DLGAP2: variants seen among roughly 807,000 people sequenced by gnomAD.
The protein encoded by DLGAP2 is DLG associated protein 2.
A neutral mutation model predicts 100.3 loss-of-function variants in DLGAP2; 26 were observed. That is an observed-to-expected ratio of 0.26 (90% CI 0.19 to 0.36). DLGAP2 has a LOEUF of 0.36. DLGAP2 is among the 10% of genes least tolerant of loss of function. DLGAP2 has a pLI of 1.00. For missense variants in DLGAP2, 1,858 were observed against 1,453.2 expected (o/e 1.28, Z -4.53); for synonymous variants, 886 against 630.1 (o/e 1.41, Z -6.08).
chr8:1,501,528 G>C, intron 4 of DLGAP2, 97 bp downstream of exon 4: 2 of 1,188,364 alleles, frequency 1.7e-6, no homozygotes, highest in East Asian at 5.1e-5. Flanking sequence ...ACAAACACAC[G>C]TTAGCATGTT....
At chr8:1,484,842 C>T (rs1396768170) in intron 3 of DLGAP2, among the ~76,000 whole-genome samples, 2 of 152,180 alleles carry the variant, frequency 1.3e-5, no homozygotes, top group African/African-American at 4.8e-5. Context: ...GGCTGTATCA[C>T]AATATTTCCT....
At chr8:1,573,942 T>G (rs967864541) in intron 6 of DLGAP2, among the ~76,000 whole-genome samples, 2 of 152,146 alleles carry the variant, frequency 1.3e-5, no homozygotes, top group African/African-American at 4.8e-5. Flanking sequence ...CGTAGGTAAC[T>G]TACAAGTGTA....
chr8:835,865 T>A (rs1361863755), intron 1 of DLGAP2, among the ~76,000 whole-genome samples: 1 of 152,162 alleles, frequency 6.6e-6, no homozygotes, highest in East Asian at 1.9e-4. Flanking sequence ...AGGCTCACCG[T>A]CGCTGTCTCA....
chr8:1,472,322 C>T lies in DLGAP2; in HGVS notation c.107-29044C>T, dbSNP rs190125986. ...ACGCAGCTGGGAGGGAGGCCAGGGG[C>T]GCAGGTGCCATCATCCCTTCAGGCC... On this transcript the variant is annotated intron_variant, in intron 3 of 14. Coordinates refer to ENST00000637795, the MANE Select transcript of DLGAP2 (RefSeq NM_001346810.2). 2.9e-4 allele frequency among the ~76,000 whole-genome samples: 44 copies of T among 152,294 alleles called. 1 individual carries two copies. Among genetic ancestry groups the T allele is most frequent in the African/African-American group, 7.5e-4 (31 of 41,570 alleles).
intron 1 of DLGAP2, among the ~76,000 whole-genome samples, chr8:902,389 G>C (rs1408233070): frequency 6.6e-6 from 1 of 150,656 alleles, no homozygotes; most frequent in African/African-American, 2.4e-5. Context: ...GCAGCCGGAG[G>C]GTTCATGGAA....
chr8:918,693 T>C (rs1285087781), intron 2 of DLGAP2, among the ~76,000 whole-genome samples: 1 of 152,238 alleles, frequency 6.6e-6, no homozygotes, highest in Non-Finnish European at 1.5e-5. Flanking sequence ...CACCCTGTTA[T>C]TCAACTTAAG....
intron 3 of DLGAP2, among the ~76,000 whole-genome samples, chr8:1,333,765 G>A (rs1018388826): frequency 2.6e-5 from 4 of 152,206 alleles, no homozygotes; most frequent in Admixed American, 6.5e-5. Flanking sequence ...CAATTTTAAT[G>A]GGGAACTTTC....
chr8:985,787 C>G (rs1348622804), intron 2 of DLGAP2, among the ~76,000 whole-genome samples: 6 of 152,078 alleles, frequency 3.9e-5, no homozygotes, highest in Admixed American at 3.3e-4. Flanking sequence ...CAGTGTTTCC[C>G]CAGATGTGAG....
At chr8:1,638,574 A>G (rs1797823610) in intron 8 of DLGAP2, among the ~76,000 whole-genome samples, 1 of 152,060 alleles carries the variant, frequency 6.6e-6, no homozygotes. Flanking sequence ...ACAGCTCCTC[A>G]AATAGCACAG....
chr8:1,593,920 G>A (rs1468886157), intron 6 of DLGAP2, among the ~76,000 whole-genome samples: 2 of 152,204 alleles, frequency 1.3e-5, no homozygotes, highest in South Asian at 2.1e-4. Context: ...GGGTTGCACA[G>A]AGAACTGGCA....
intron 5 of DLGAP2, among the ~76,000 whole-genome samples, chr8:1,551,690 T>C (rs1290986231): frequency 6.6e-6 from 1 of 152,146 alleles, no homozygotes; most frequent in Non-Finnish European, 1.5e-5. Flanking sequence ...TCATTCCATC[T>C]GCACTCACGC....
At chr8:1,041,833 G>A (rs1266156098) in intron 2 of DLGAP2, among the ~76,000 whole-genome samples, 6 of 152,118 alleles carry the variant, frequency 3.9e-5, no homozygotes, top group South Asian at 4.2e-4. Context: ...GCTCCTTGCC[G>A]TGGGTCAGCG....
At chr8:1,210,781 C>G (rs969843585) in intron 2 of DLGAP2, among the ~76,000 whole-genome samples, 2 of 151,798 alleles carry the variant, frequency 1.3e-5, no homozygotes, top group Non-Finnish European at 2.9e-5. Flanking sequence ...ATCCTGGGTC[C>G]CTTCCACAGC....
intron 3 of DLGAP2, among the ~76,000 whole-genome samples, chr8:1,344,146 G>GGTCCTGTCGTAAGTCCGTGTACTGGGT (rs1801495683): frequency 7.8e-6 from 1 of 127,694 alleles, no homozygotes; most frequent in Non-Finnish European, 1.7e-5. Flanking sequence ...GTGTACTCGG[G>GGTCCTGTCGTAAGTCCGTGTACTGGGT]GCCCTGTCGT....
At chr8:1,201,850 T>A (rs7011631) in intron 2 of DLGAP2, among the ~76,000 whole-genome samples, 1 of 151,932 alleles carries the variant, frequency 6.6e-6, no homozygotes, top group East Asian at 1.9e-4. Flanking sequence ...CATGTGTGTA[T>A]GTGTACGGTA....
At chr8:969,889 C>A (rs922718923) in intron 2 of DLGAP2, among the ~76,000 whole-genome samples, 6 of 152,198 alleles carry the variant, frequency 3.9e-5, no homozygotes, top group Admixed American at 6.5e-5. Context: ...TGTATTACAT[C>A]TGTGGCCATT....
At chr8:856,714 A>G (rs1797285348) in intron 1 of DLGAP2, among the ~76,000 whole-genome samples, 1 of 152,248 alleles carries the variant, frequency 6.6e-6, no homozygotes, top group Non-Finnish European at 1.5e-5. Flanking sequence ...AACTCTGTTG[A>G]AAGAAATGAA....
chr8:1,174,727 A>C (rs1015393787), intron 2 of DLGAP2, among the ~76,000 whole-genome samples: 5 of 152,116 alleles, frequency 3.3e-5, no homozygotes, highest in African/African-American at 1.2e-4. Context: ...CACCATCATT[A>C]CCATGACCAA....
chr8:944,986 T>C (rs952283165), intron 2 of DLGAP2, among the ~76,000 whole-genome samples: 2 of 152,174 alleles, frequency 1.3e-5, no homozygotes, highest in Admixed American at 1.3e-4. Flanking sequence ...GAGTGATAGT[T>C]GGTCACTTCT....
Sources: allele counts gnomAD v4.1 joint callset (sites outside exome capture counted in the v4.1 genomes callset), GRCh38; gene constraint gnomAD v4.1.1; transcripts MANE v1.5; gene names NCBI Gene and HGNC (gene_info 2026-07-23, HGNC 2026-07-21).